CSMD3: variants seen among roughly 807,000 people sequenced by gnomAD.
CSMD3 encodes CUB and sushi domain-containing protein 3.
A neutral mutation model predicts 435.2 loss-of-function variants in CSMD3; 177 were observed. The observed-to-expected ratio is 0.41, with a 90% CI of 0.36 to 0.46. The LOEUF is 0.46. Among genes scored for constraint, CSMD3 ranks in the 20% least tolerant of loss-of-function variants. The probability of loss-of-function intolerance (pLI) is 0.34; values close to 1 mark genes in which losing one functional copy is unlikely to be tolerated. For missense variants in CSMD3, 4,265 were observed against 4,504.6 expected, an observed-to-expected ratio of 0.95 and a Z score of 1.52; for synonymous variants, 1,656 against 1,520.5, an observed-to-expected ratio of 1.09 and a Z score of -2.07.
intron 13 of CSMD3, among the ~76,000 whole-genome samples, chr8:112,761,508 TACCC>T (rs1217422144): frequency 1.3e-5 from 2 of 152,096 alleles, no homozygotes; most frequent in Non-Finnish European, 2.9e-5. Context: ...TGATAAGTGT[TACCC>T]CTCTTCTATT....
chr8:112,912,577 TA>T (rs1302195069), intron 10 of CSMD3, among the ~76,000 whole-genome samples: 2 of 151,930 alleles, frequency 1.3e-5, no homozygotes, highest in African/African-American at 2.4e-5. Context: ...ATGGATTAAA[TA>T]GTTAAATAAA....
chr8:112,859,748 A>T (rs904008901), intron 10 of CSMD3, among the ~76,000 whole-genome samples: 1 of 151,146 alleles, frequency 6.6e-6, no homozygotes, highest in Non-Finnish European at 1.5e-5. Context: ...AAGAACTCAG[A>T]CTAAAAAAAA....
chr8:113,235,527 A>G (rs2093138364), intron 3 of CSMD3, among the ~76,000 whole-genome samples: 1 of 152,134 alleles, frequency 6.6e-6, no homozygotes, highest in Admixed American at 6.6e-5. Context: ...AGCAAGCAGT[A>G]AATTCAACTA....
intron 1 of CSMD3, among the ~76,000 whole-genome samples, chr8:113,369,145 A>G (rs565486562): frequency 7.4e-4 from 112 of 152,152 alleles, no homozygotes; most frequent in Middle Eastern, 3.4e-3. Flanking sequence ...ATTTCTCACC[A>G]TATTTTTCAG....
At chr8:113,011,300 G>A (rs936565748) in intron 6 of CSMD3, among the ~76,000 whole-genome samples, 1 of 151,686 alleles carries the variant, frequency 6.6e-6, no homozygotes, top group Non-Finnish European at 1.5e-5. Flanking sequence ...TGTTAAGAAA[G>A]ATAAAATGTT....
chr8:112,508,012 T>C (rs1822713268), intron 28 of CSMD3, among the ~76,000 whole-genome samples: 1 of 152,156 alleles, frequency 6.6e-6, no homozygotes, highest in African/African-American at 2.4e-5. Context: ...TCTGTAGTCC[T>C]CCATCTCCAA....
intron 6 of CSMD3, among the ~76,000 whole-genome samples, chr8:112,980,040 G>A (rs1050714052): frequency 6.6e-6 from 1 of 150,680 alleles, no homozygotes; most frequent in Non-Finnish European, 1.5e-5. Flanking sequence ...TTATTTAATA[G>A]TAATAGTACA....
At chr8:112,491,074 A>G (rs1337038209) in intron 31 of CSMD3, among the ~76,000 whole-genome samples, 1 of 152,204 alleles carries the variant, frequency 6.6e-6, no homozygotes, top group African/African-American at 2.4e-5. Flanking sequence ...AATGTTAATC[A>G]TCTCTATTTC....
At chr8:112,696,091 A>C (rs954075786) in intron 13 of CSMD3, among the ~76,000 whole-genome samples, 1 of 152,218 alleles carries the variant, frequency 6.6e-6, no homozygotes, top group African/African-American at 2.4e-5. Flanking sequence ...ACACAAATGG[A>C]AGAACATTCC....
chr8:113,417,220 T>A (rs2094585766), intron 1 of CSMD3, among the ~76,000 whole-genome samples: 1 of 151,886 alleles, frequency 6.6e-6, no homozygotes, highest in Non-Finnish European at 1.5e-5. Context: ...TATAAAAACA[T>A]CCTTACATAT....
chr8:112,842,201 T>C (rs1386768446), intron 11 of CSMD3, among the ~76,000 whole-genome samples: 1 of 151,780 alleles, frequency 6.6e-6, no homozygotes, highest in Admixed American at 6.6e-5. Context: ...AACTCTAAGG[T>C]TGTCATTAAG....
At chr8:112,316,972 C>A (rs945529362) in intron 47 of CSMD3, among the ~76,000 whole-genome samples, 1 of 151,864 alleles carries the variant, frequency 6.6e-6, no homozygotes, top group Non-Finnish European at 1.5e-5. Context: ...TTAATTCTAG[C>A]CGATTCCAAA....
intron 3 of CSMD3, among the ~76,000 whole-genome samples, chr8:113,243,089 T>C (rs1295231314): frequency 6.6e-6 from 1 of 151,810 alleles, no homozygotes; most frequent in Non-Finnish European, 1.5e-5. Flanking sequence ...TTCTTTGTTT[T>C]TAATTTCATT....
At chr8:113,164,065 T>C (rs1049530454) in intron 4 of CSMD3, among the ~76,000 whole-genome samples, 2 of 152,022 alleles carry the variant, frequency 1.3e-5, no homozygotes, top group Admixed American at 1.3e-4. Context: ...TATAAACTAA[T>C]CGTGTTTTCC....
At chr8:112,987,100 G>T (rs1158481899) in intron 6 of CSMD3, among the ~76,000 whole-genome samples, 1 of 151,894 alleles carries the variant, frequency 6.6e-6, no homozygotes, top group Non-Finnish European at 1.5e-5. Context: ...ATTTTATCAA[G>T]ATCATATGCA....
At chr8:112,362,045 G>T (rs985536635) in intron 38 of CSMD3, among the ~76,000 whole-genome samples, 1 of 151,788 alleles carries the variant, frequency 6.6e-6, no homozygotes, top group Admixed American at 6.6e-5. Flanking sequence ...TCATTATAAA[G>T]ATAAGAGTTC....
chr8:112,710,140 G>A (rs534097596), intron 13 of CSMD3, among the ~76,000 whole-genome samples: 1 of 152,096 alleles, frequency 6.6e-6, no homozygotes, highest in African/African-American at 2.4e-5. Flanking sequence ...TAAAGATATG[G>A]GGTTTATTTT....
At chr8:112,277,735 C>G (rs974133973) in intron 59 of CSMD3, among the ~76,000 whole-genome samples, 1 of 152,012 alleles carries the variant, frequency 6.6e-6, no homozygotes, top group African/African-American at 2.4e-5. Context: ...CTGGGGAGGC[C>G]TCACAATTAT....
At chr8:112,897,045 C>T (rs1017198434) in intron 10 of CSMD3, among the ~76,000 whole-genome samples, 2 of 151,454 alleles carry the variant, frequency 1.3e-5, no homozygotes, top group Non-Finnish European at 3.0e-5. Flanking sequence ...TTTTTCTCTC[C>T]TTTCTTTGCA....
Sources: gnomAD v4.1 joint callset for allele counts (sites outside exome capture counted in the v4.1 genomes callset) on GRCh38, gnomAD v4.1.1 for gene constraint, MANE v1.5 for transcripts, NCBI Gene and HGNC (gene_info 2026-07-23, HGNC 2026-07-21) for gene names.